The following TDRD9 variants were observed in gnomAD, a reference collection of about 807,000 sequenced individuals.
TDRD9 encodes the protein tudor domain containing 9, also known as ATP-dependent RNA helicase TDRD9.
TDRD9 carries 124 observed loss-of-function variants against 172.6 expected under a neutral mutation model. The ratio of observed to expected loss-of-function variants is 0.72; its 90% CI spans 0.62 to 0.83. The LOEUF is 0.83. Among genes scored for constraint, TDRD9 ranks in the 40% least tolerant of loss-of-function variants. The pLI, the probability that TDRD9 is intolerant of heterozygous loss-of-function variation, is 0.00. For synonymous variants in TDRD9, 619 were observed against 617.1 expected, an observed-to-expected ratio of 1.00 and a Z score of -0.05; for missense variants, 1,479 against 1,714.1, an observed-to-expected ratio of 0.86 and a Z score of 2.42.
intron 2 of TDRD9, among the ~76,000 whole-genome samples, chr14:103,957,601 T>G (rs913694293): frequency 6.6e-6 from 1 of 152,246 alleles, no homozygotes; most frequent in Non-Finnish European, 1.5e-5. Flanking sequence ...GACTTTGGTC[T>G]TTTGTACAAA....
chr14:103,961,448 A>T (rs1372661767), intron 2 of TDRD9, among the ~76,000 whole-genome samples: 1 of 152,106 alleles, frequency 6.6e-6, no homozygotes, highest in Non-Finnish European at 1.5e-5. Flanking sequence ...CTGTAATCCC[A>T]GCTACTCAGG....
intron 17 of TDRD9, 32 bp downstream of exon 17, chr14:104,006,741 G>T (rs747932750): frequency 6.2e-7 from 1 of 1,613,012 alleles, no homozygotes; most frequent in Non-Finnish European, 8.5e-7. Context: ...AAGTGTCACT[G>T]TATTTTAATG....
chr14:103,939,741 GTGTTT>G (rs2031076844), intron 1 of TDRD9: 1 of 4,642 alleles, frequency 2.2e-4, no homozygotes, highest in African/African-American at 3.9e-4. Flanking sequence ...TTGAAAAAAA[GTGTTT>G]TTTTTTTTTT....
At chr14:104,012,653 A>T (rs373939656) in intron 20 of TDRD9, among the ~76,000 whole-genome samples, 14 of 152,176 alleles carry the variant, frequency 9.2e-5, no homozygotes, top group African/African-American at 3.4e-4. Flanking sequence ...TTTTATTATG[A>T]GCAGCTTTAG....
chr14:104,041,162 A>G (rs941947), intron 33 of TDRD9, among the ~76,000 whole-genome samples: 150,865 of 152,270 alleles, frequency 0.99, 74,752 homozygotes, highest in Middle Eastern at 1. Context: ...GGCAGGTATC[A>G]GTGTTGTCTC....
intron 7 of TDRD9, among the ~76,000 whole-genome samples, chr14:103,984,110 T>C (rs1365685652): frequency 6.6e-6 from 1 of 152,232 alleles, no homozygotes; most frequent in Non-Finnish European, 1.5e-5. Context: ...TCTTGGATGC[T>C]GTTAAAGGCA....
intron 4 of TDRD9, among the ~76,000 whole-genome samples, chr14:103,966,403 C>A (rs771388738): frequency 3.9e-5 from 6 of 152,286 alleles, no homozygotes; most frequent in Middle Eastern, 3.4e-3. Flanking sequence ...AGTAAGAATT[C>A]TCATGCTTAT....
chr14:104,015,137 T>C (rs2034748525), intron 21 of TDRD9, among the ~76,000 whole-genome samples: 1 of 152,266 alleles, frequency 6.6e-6, no homozygotes, highest in East Asian at 1.9e-4. Flanking sequence ...ACCTGTGTTA[T>C]CACTGCTTCA....
chr14:104,001,358 T>C (rs1210803106), intron 13 of TDRD9, among the ~76,000 whole-genome samples: 1 of 152,222 alleles, frequency 6.6e-6, no homozygotes, highest in Non-Finnish European at 1.5e-5. Context: ...CCACTTACCA[T>C]AGTGTTCTTA....
intron 1 of TDRD9, among the ~76,000 whole-genome samples, chr14:103,947,530 G>A (rs1383442051): frequency 2.6e-5 from 4 of 151,890 alleles, no homozygotes; most frequent in East Asian, 3.9e-4. Flanking sequence ...GGGTTTCACC[G>A]TGTTTGCCAG....
chr14:103,986,210 T>A lies in TDRD9; in HGVS notation c.1012-7T>A. The A allele has an allele frequency of 6.2e-7, 1 of 1,610,090 alleles. No homozygotes were observed. The highest frequency in any genetic ancestry group is 2.2e-5 in the East Asian group (1 of 44,838). ...GTATTGCGACTTTTTTCTTTCACTG[T>A]TTTTAGCTCTCTCCTCATCTCCTGG... On this transcript the variant is annotated splice_polypyrimidine_tract_variant and splice_region_variant and intron_variant, in intron 7 of 35. Coordinates refer to ENST00000409874, the MANE Select transcript of TDRD9 (RefSeq NM_153046.3).
At position 103,970,550 on chromosome 14, in the gene TDRD9, C is replaced by A. The variant is rs776156806; in HGVS notation, c.775C>A (p.Arg259=). The change falls in exon 6 of 36, where the codon CGA becomes AGA. Residue 259 remains arginine (R), a synonymous_variant. Transcript: ENST00000409874. ...THIIIDEVHE[R]TEEMDFLLLV... is the part of the protein sequence containing the mutation. ...CTTTTTTATTTTGTAGGTACACGAA[C>A]GAACAGAAGAAATGGATTTCCTGCT... 1.9e-6 allele frequency: 3 copies of A among 1,551,456 alleles called. No individual in the cohort carries two copies. The highest frequency in any genetic ancestry group is 3.9e-5 in the Admixed American group (2 of 50,988).
rs1323461961 is a variant in TDRD9 at position 103,980,966 on chromosome 14, G to A, written c.1012-5251G>A. Among the ~76,000 whole-genome samples, 5 of 151,562 alleles carry A rather than the reference G, an allele frequency of 3.3e-5. No homozygotes were observed. Among genetic ancestry groups the A allele is most frequent in the Admixed American group, 1.3e-4 (2 of 15,234 alleles). On this transcript the variant is annotated intron_variant, in intron 7 of 35. Coordinates refer to ENST00000409874, the MANE Select transcript of TDRD9 (RefSeq NM_153046.3). The surrounding 1 kb of genome is among the most constrained non-coding windows in gnomAD (Gnocchi z 4.5). The stretch of plus-strand genomic sequence containing the variant: ...GTAGAGCGAGAATTATTATAATATT[G>A]GAATAAAGAGTAATTACTACAAACT...
intron 24 of TDRD9, among the ~76,000 whole-genome samples, chr14:104,023,874 C>G (rs1361744006): frequency 6.6e-6 from 1 of 152,122 alleles, no homozygotes; most frequent in Non-Finnish European, 1.5e-5. Flanking sequence ...GGTCAGACTC[C>G]ACTTACTTTT....
At chr14:103,956,144 ATAT>A (rs2032226060) in intron 2 of TDRD9, among the ~76,000 whole-genome samples, 2 of 80,856 alleles carry the variant, frequency 2.5e-5, no homozygotes, top group African/African-American at 8.9e-5. Flanking sequence ...ATATATATAT[ATAT>A]ATAATTATTA....
intron 1 of TDRD9, among the ~76,000 whole-genome samples, chr14:103,932,684 G>A (rs2030477091): frequency 6.6e-6 from 1 of 150,842 alleles, no homozygotes; most frequent in African/African-American, 2.4e-5. Context: ...ACTGCGCCCG[G>A]CCGGGAGGGA....
chr14:103,961,184 A>G (rs955142142), intron 2 of TDRD9, among the ~76,000 whole-genome samples: 1 of 152,228 alleles, frequency 6.6e-6, no homozygotes, highest in Non-Finnish European at 1.5e-5. Flanking sequence ...AGTAATTACC[A>G]TAGCACTGAG....
At chr14:103,973,246 G>A (rs1264648733) in intron 6 of TDRD9, among the ~76,000 whole-genome samples, 1 of 152,136 alleles carries the variant, frequency 6.6e-6, no homozygotes, top group Non-Finnish European at 1.5e-5. Flanking sequence ...CATATTCTAG[G>A]TGGTTTTGTA....
chr14:103,958,398 G>T (rs2032346723), intron 2 of TDRD9, among the ~76,000 whole-genome samples: 1 of 152,148 alleles, frequency 6.6e-6, no homozygotes, highest in Admixed American at 6.6e-5. Flanking sequence ...GACAGTGGGT[G>T]TGGGAGGGCT....
Sources: gnomAD v4.1 joint callset for allele counts (sites outside exome capture counted in the v4.1 genomes callset) on GRCh38, gnomAD v4.1.1 for gene constraint, Gnocchi (gnomAD v3.1) non-coding constraint, MANE v1.5 for transcripts, NCBI Gene and HGNC (gene_info 2026-07-23, HGNC 2026-07-21) for gene names.